The following CC2D2A variants were observed in gnomAD, a reference collection of about 807,000 sequenced individuals.
CC2D2A encodes coiled-coil and C2 domain-containing protein 2A.
Under a neutral mutation model 212.9 loss-of-function variants are expected in CC2D2A, and 155 were observed. The observed-to-expected ratio is 0.73, with a 90% CI of 0.64 to 0.83. The LOEUF is 0.83. Among genes scored for constraint, CC2D2A ranks in the 40% least tolerant of loss-of-function variants. The pLI, the probability that CC2D2A is intolerant of heterozygous loss-of-function variation, is 0.00. For missense variants in CC2D2A, 1,856 were observed against 1,956.2 expected (o/e 0.95, Z 0.97); for synonymous variants, 667 against 686.5 (o/e 0.97, Z 0.44).
At chr4:15,553,543 G>A (rs1468313784) in intron 19 of CC2D2A, among the ~76,000 whole-genome samples, 1 of 152,184 alleles carries the variant, frequency 6.6e-6, no homozygotes, top group Non-Finnish European at 1.5e-5. Context: ...TCGATACAGT[G>A]AAAAGAACTT....
chr4:15,582,563 T>C (rs1463117188), intron 30 of CC2D2A, among the ~76,000 whole-genome samples: 1 of 152,120 alleles, frequency 6.6e-6, no homozygotes, highest in Non-Finnish European at 1.5e-5. Flanking sequence ...AGAGACTTAT[T>C]TGAACAATTA....
rs188440956 is a variant in CC2D2A at position 15,485,192 on chromosome 4, A to G, written c.247+4365A>G. The stretch of plus-strand genomic sequence containing the variant: ...TCTACTCACTATCTCTATCAGATCA[A>G]TTGTTTTAGCTCCCACATATGAGTG... On this transcript the variant is annotated intron_variant, in intron 4 of 36. Coordinates refer to ENST00000424120, the MANE Select transcript of CC2D2A (RefSeq NM_001378615.1). 1.9e-3 allele frequency among the ~76,000 whole-genome samples: 282 copies of G among 152,334 alleles called. 1 individual carries two copies. The highest frequency in any genetic ancestry group is 6.5e-3 in the African/African-American group (272 of 41,598).
chr4:15,547,165 AT>A (rs1294981215), intron 17 of CC2D2A, among the ~76,000 whole-genome samples: 3 of 152,166 alleles, frequency 2.0e-5, no homozygotes, highest in Non-Finnish European at 4.4e-5. Flanking sequence ...ATATTCTGTG[AT>A]TTTTTAAACT....
intron 17 of CC2D2A, 143 bp downstream of exon 17, chr4:15,541,157 CAAA>C: frequency 4.6e-6 from 2 of 436,248 alleles, no homozygotes; most frequent in East Asian, 3.9e-5. Flanking sequence ...ACTGTAAATA[CAAA>C]AAAAAAAAAT....
intron 21 of CC2D2A, among the ~76,000 whole-genome samples, chr4:15,558,671 A>C (rs1374919678): frequency 6.6e-6 from 1 of 152,048 alleles, no homozygotes; most frequent in African/African-American, 2.4e-5. Flanking sequence ...GGATTAGAGG[A>C]GAACATAGCA....
intron 6 of CC2D2A, among the ~76,000 whole-genome samples, chr4:15,505,726 T>C (rs1233547660): frequency 2.0e-5 from 3 of 152,328 alleles, no homozygotes; most frequent in Middle Eastern, 3.4e-3. Context: ...AATAGCTACA[T>C]TGGACTTCAT....
intron 17 of CC2D2A, among the ~76,000 whole-genome samples, chr4:15,544,368 T>C (rs748162845): frequency 1.3e-5 from 2 of 152,098 alleles, no homozygotes; most frequent in Non-Finnish European, 2.9e-5. Flanking sequence ...ACATCCATCA[T>C]CAACTCATCC....
At chr4:15,581,309 C>T (rs1330363912) in intron 30 of CC2D2A, among the ~76,000 whole-genome samples, 1 of 152,098 alleles carries the variant, frequency 6.6e-6, no homozygotes, top group Non-Finnish European at 1.5e-5. Context: ...AAATTTCTCC[C>T]AGTAGAGAAC....
chr4:15,498,278 C>T (rs1020034539), intron 4 of CC2D2A, among the ~76,000 whole-genome samples: 13 of 152,170 alleles, frequency 8.5e-5, no homozygotes, highest in African/African-American at 2.9e-4. Context: ...TTTCATGCTA[C>T]ATTGACATTA....
intron 2 of CC2D2A, 51 bp from the exon 3 acceptor site, chr4:15,478,672 C>A (rs1048872800): frequency 7.2e-7 from 1 of 1,393,776 alleles, no homozygotes; most frequent in African/African-American, 1.4e-5. Context: ...ACCTAAAAGT[C>A]ATACCTCTCT....
intron 4 of CC2D2A, among the ~76,000 whole-genome samples, chr4:15,487,777 T>C (rs1715077307): frequency 8.0e-6 from 1 of 124,482 alleles, no homozygotes; most frequent in Non-Finnish European, 1.7e-5. Flanking sequence ...TTTTCTCCAG[T>C]AGTATGTTAA....
rs186331992 is a variant in CC2D2A, at chr4:15,518,791, C to T, written c.1149+2035C>T. Reference sequence around the variant, plus strand: ...CATGGCCCGAGTTGTACCTTGGCTTCTTTTAGTCATGGCTGGAGTAGCTGG... The same window carrying T: ...CATGGCCCGAGTTGTACCTTGGCTTTTTTTAGTCATGGCTGGAGTAGCTGG... On this transcript the variant is annotated intron_variant, in intron 11 of 36. Coordinates refer to ENST00000424120, the MANE Select transcript of CC2D2A (RefSeq NM_001378615.1). Among the ~76,000 whole-genome samples, 95 of 152,358 alleles carry T rather than the reference C, an allele frequency of 6.2e-4. No individual in the cohort carries two copies. The East Asian group carries it at 0.017, about 28-fold the overall frequency.
intron 5 of CC2D2A, 73 bp from the exon 6 acceptor site, chr4:15,502,749 C>T (rs1716031427): frequency 7.8e-7 from 1 of 1,283,246 alleles, no homozygotes; most frequent in Middle Eastern, 1.8e-4. Context: ...AGAAGGATAG[C>T]ATGTATTTTT....
intron 30 of CC2D2A, among the ~76,000 whole-genome samples, chr4:15,584,384 A>T (rs919848679): frequency 6.6e-6 from 1 of 152,242 alleles, no homozygotes; most frequent in African/African-American, 2.4e-5. Context: ...TAAGGCACCA[A>T]GAACACACAT....
chr4:15,524,518 T>C (rs1717398380), intron 11 of CC2D2A, among the ~76,000 whole-genome samples: 2 of 148,184 alleles, frequency 1.3e-5, no homozygotes, highest in South Asian at 4.4e-4. Flanking sequence ...TAGCGCAATC[T>C]TGGCTCACTG....
rs369476930 is a variant in CC2D2A, at chr4:15,540,889, G to A, written c.2056G>A (p.Val686Met). 368 of 1,595,498 alleles carry A rather than the reference G, an allele frequency of 2.3e-4. No homozygotes were observed. Among genetic ancestry groups the A allele is most frequent in the Non-Finnish European group, 2.4e-4 (283 of 1,170,770 alleles). ...AAAGAAGCGCTCAGTGTACTTAAAA[G>A]TGCTGTTCAACAACAAGGAGGTGTC... Reference protein sequence around the residue: ...DVKKRSVYLKVLFNNKEVSRT... With the variant: ...DVKKRSVYLKMLFNNKEVSRT... The change falls in exon 17 of 37, where the codon GTG becomes ATG. Residue 686 changes from valine (V) to methionine (M), a missense_variant. By Grantham distance (21) the Val-to-Met change is conservative. Transcript: ENST00000424120.
intron 16 of CC2D2A, among the ~76,000 whole-genome samples, chr4:15,538,504 A>C (rs1340115857): frequency 2.6e-5 from 4 of 152,086 alleles, no homozygotes; most frequent in Non-Finnish European, 5.9e-5. Flanking sequence ...CCTTCAGTCC[A>C]CTGGTAGCAT....
At chr4:15,478,833 G>T in intron 3 of CC2D2A, 27 bp downstream of exon 3, 2 of 1,518,088 alleles carry the variant, frequency 1.3e-6, no homozygotes, top group Non-Finnish European at 9.0e-7. Flanking sequence ...AACTGTGTCT[G>T]CGTATTGTCA....
At chr4:15,523,566 T>C (rs1359433760) in intron 11 of CC2D2A, among the ~76,000 whole-genome samples, 1 of 152,222 alleles carries the variant, frequency 6.6e-6, no homozygotes, top group Non-Finnish European at 1.5e-5. Flanking sequence ...TGGTTGCATA[T>C]GACAGAAACC....
Sources: allele counts gnomAD v4.1 joint callset (sites outside exome capture counted in the v4.1 genomes callset), GRCh38; gene constraint gnomAD v4.1.1; transcripts MANE v1.5; gene names NCBI Gene and HGNC (gene_info 2026-07-23, HGNC 2026-07-21).